KCMF1: variants seen among roughly 807,000 people sequenced by gnomAD.
The protein encoded by KCMF1 is potassium channel modulatory factor 1.
A neutral mutation model predicts 41.1 loss-of-function variants in KCMF1; 3 were observed. The observed-to-expected ratio is 0.07, with a 90% CI of 0.03 to 0.19. The LOEUF (loss-of-function observed/expected upper bound fraction) is 0.19. KCMF1 is among the 10% of genes least tolerant of loss of function. The pLI, the probability that KCMF1 is intolerant of heterozygous loss-of-function variation, is 1.00. For missense variants in KCMF1, 286 were observed against 488.9 expected (o/e 0.58, Z 3.91); for synonymous variants, 142 against 164.5 (o/e 0.86, Z 1.04).
intron 3 of KCMF1, among the ~76,000 whole-genome samples, chr2:85,042,376 G>T (rs1333194595): frequency 6.6e-6 from 1 of 152,076 alleles, no homozygotes; most frequent in African/African-American, 2.4e-5. Flanking sequence ...CCGTACCCCA[G>T]GATTGTCCTT....
At chr2:84,971,542 G>A in intron 1 of KCMF1, 75 bp downstream of exon 1, 1 of 882,726 alleles carries the variant, frequency 1.1e-6, no homozygotes, top group Non-Finnish European at 1.4e-6. Flanking sequence ...GCGGCGGAGG[G>A]CGGCCGGGAA....
At chr2:84,998,477 A>AG (rs1384179354) in intron 1 of KCMF1, among the ~76,000 whole-genome samples, 1 of 152,208 alleles carries the variant, frequency 6.6e-6, no homozygotes, top group Non-Finnish European at 1.5e-5. Context: ...TTTGCAGTAT[A>AG]GTCTGATAAT....
At chr2:85,018,795 A>ATT (rs34627507) in intron 1 of KCMF1, among the ~76,000 whole-genome samples, 1,168 of 73,704 alleles carry the variant, frequency 0.016, 195 homozygotes, top group East Asian at 0.076. Context: ...CAGAACTTTG[A>ATT]TTTTTTTTTT....
intron 1 of KCMF1, among the ~76,000 whole-genome samples, chr2:85,026,132 A>G (rs1675097679): frequency 6.6e-6 from 1 of 151,930 alleles, no homozygotes; most frequent in Admixed American, 6.6e-5. Context: ...CTGAGATTAC[A>G]GGCGCCCACC....
At chr2:85,039,773 G>A (rs1334499501) in intron 3 of KCMF1, among the ~76,000 whole-genome samples, 2 of 152,088 alleles carry the variant, frequency 1.3e-5, no homozygotes, top group African/African-American at 2.4e-5. Flanking sequence ...CAGCAGAGAC[G>A]ACACTGAGAA....
intron 1 of KCMF1, among the ~76,000 whole-genome samples, chr2:85,000,297 G>T (rs6725490): frequency 0.024 from 3,677 of 152,092 alleles, 149 homozygotes; most frequent in African/African-American, 0.083. Flanking sequence ...AGCTAATTTC[G>T]TGTTTTTAGT....
chr2:84,996,871 G>A (rs1674188783), intron 1 of KCMF1, among the ~76,000 whole-genome samples: 1 of 152,172 alleles, frequency 6.6e-6, no homozygotes, highest in South Asian at 2.1e-4. Flanking sequence ...TTTTGTCATT[G>A]TGTGAACATC....
At chr2:85,008,312 T>TATAGA (rs1553379333) in intron 1 of KCMF1, among the ~76,000 whole-genome samples, 20 of 18,132 alleles carry the variant, frequency 1.1e-3, no homozygotes, top group African/African-American at 1.8e-3. Flanking sequence ...TATAATATGA[T>TATAGA]ATATATATCA....
intron 3 of KCMF1, among the ~76,000 whole-genome samples, chr2:85,036,482 T>C (rs1273215102): frequency 6.6e-6 from 1 of 152,136 alleles, no homozygotes; most frequent in Non-Finnish European, 1.5e-5. Context: ...GGAGTTCTTA[T>C]TGTAAATTAG....
In KCMF1 at chr2:85,038,840, C is replaced by T. The variant is rs111565165; in HGVS notation, c.324+3685C>T. Among the ~76,000 whole-genome samples, 512 of 152,144 alleles carry T rather than the reference C, an allele frequency of 3.4e-3. 2 individuals are homozygous for T. Among genetic ancestry groups the T allele is most frequent in the African/African-American group, 0.012 (484 of 41,506 alleles). Reference sequence around the variant, plus strand: ...TCTAAGAGCCGCTCAAAAGCAGAGACGTGAATTGTACCCCAGTTTGAAGAA... The same window carrying T: ...TCTAAGAGCCGCTCAAAAGCAGAGATGTGAATTGTACCCCAGTTTGAAGAA... On this transcript the variant is annotated intron_variant, in intron 3 of 6. Coordinates refer to ENST00000409785, the MANE Select transcript of KCMF1 (RefSeq NM_020122.5).
intron 1 of KCMF1, among the ~76,000 whole-genome samples, chr2:85,007,711 A>C (rs1236183697): frequency 1.3e-5 from 2 of 152,138 alleles, no homozygotes; most frequent in Non-Finnish European, 2.9e-5. Flanking sequence ...AAAATGTATG[A>C]TATTGTGTGA....
chr2:85,007,554 C>T (rs1674502939), intron 1 of KCMF1, among the ~76,000 whole-genome samples: 1 of 152,160 alleles, frequency 6.6e-6, no homozygotes, highest in Non-Finnish European at 1.5e-5. Flanking sequence ...CAGAGGGGGA[C>T]ACTCTCATGG....
intron 1 of KCMF1, among the ~76,000 whole-genome samples, chr2:84,977,031 T>A (rs1331946508): frequency 1.3e-5 from 2 of 152,110 alleles, no homozygotes; most frequent in African/African-American, 4.8e-5. Context: ...TATAATTATT[T>A]TTTTTTACTC....
In KCMF1 at chr2:85,036,864, TAATA is replaced by T. The variant is rs1675414352; in HGVS notation, c.324+1710_324+1713del. On this transcript the variant is annotated intron_variant, in intron 3 of 6. Coordinates refer to ENST00000409785, the MANE Select transcript of KCMF1 (RefSeq NM_020122.5). ...TTAATAAATATATAACATTAATTGA[TAATA>T]TTTATTATTATATTTTGTTATTATT... Among the ~76,000 whole-genome samples the T allele has an allele frequency of 2.7e-5, 4 of 148,966 alleles. No individual in the cohort carries two copies. The South Asian group carries it at 8.4e-4, about 31-fold the overall frequency.
At chr2:85,009,078 C>A (rs1236917223) in intron 1 of KCMF1, among the ~76,000 whole-genome samples, 1 of 152,106 alleles carries the variant, frequency 6.6e-6, no homozygotes, top group Non-Finnish European at 1.5e-5. Context: ...TCTGTATCCC[C>A]ACCCAAATCC....
intron 1 of KCMF1, among the ~76,000 whole-genome samples, chr2:84,991,126 T>A (rs1674033199): frequency 6.6e-6 from 1 of 152,158 alleles, no homozygotes; most frequent in Non-Finnish European, 1.5e-5. Context: ...GGCCCAGATG[T>A]ATCTTGAAGG....
chr2:85,008,291 T>TATATATCATATATCATATG (rs1553379311), intron 1 of KCMF1, among the ~76,000 whole-genome samples: 1 of 14,624 alleles, frequency 6.8e-5, no homozygotes, highest in African/African-American at 1.5e-4. Context: ...TGATATATAA[T>TATATATCATATATCATATG]ATATATAATA....
At chr2:85,015,025 TC>T (rs1393933644) in intron 1 of KCMF1, among the ~76,000 whole-genome samples, 5 of 151,620 alleles carry the variant, frequency 3.3e-5, no homozygotes, top group African/African-American at 7.3e-5. Flanking sequence ...GCCTTCTTTT[TC>T]CCCCCTCTAC....
intron 1 of KCMF1, among the ~76,000 whole-genome samples, chr2:84,986,110 T>C (rs1673894328): frequency 6.6e-6 from 1 of 152,208 alleles, no homozygotes; most frequent in African/African-American, 2.4e-5. Flanking sequence ...TGAAAAACAC[T>C]GGCCTTGGAT....
Sources: allele counts gnomAD v4.1 joint callset (sites outside exome capture counted in the v4.1 genomes callset), GRCh38; gene constraint gnomAD v4.1.1; transcripts MANE v1.5; gene names NCBI Gene and HGNC (gene_info 2026-07-23, HGNC 2026-07-21).